The following CNTNAP2 variants were observed in gnomAD, a reference collection of about 807,000 sequenced individuals.
CNTNAP2 encodes contactin associated protein 2, also known as contactin-associated protein-like 2.
CNTNAP2 carries 98 observed loss-of-function variants against 155.2 expected under a neutral mutation model. The observed-to-expected ratio is 0.63, with a 90% CI of 0.54 to 0.75. The LOEUF (loss-of-function observed/expected upper bound fraction) is 0.75, where lower values mean the gene tolerates loss of function less well. Among genes scored for constraint, CNTNAP2 ranks in the 30% least tolerant of loss-of-function variants. The pLI is 0.00. For synonymous variants in CNTNAP2, 651 were observed against 631.2 expected (o/e 1.03, Z -0.47); for missense variants, 1,727 against 1,688.1 (o/e 1.02, Z -0.40).
intron 21 of CNTNAP2, among the ~76,000 whole-genome samples, chr7:148,317,639 C>G (rs1797713917): frequency 6.6e-6 from 1 of 152,204 alleles, no homozygotes; most frequent in South Asian, 2.1e-4. Flanking sequence ...GGGATTCACA[C>G]CTCCTAGAGT....
chr7:147,486,117 A>G, intron 11 of CNTNAP2, 76 bp downstream of exon 11: 8 of 1,228,338 alleles, frequency 6.5e-6, no homozygotes. Flanking sequence ...TTTGAAGCTC[A>G]GCAACCTGAA....
At chr7:147,816,516 C>A (rs1798268857) in intron 13 of CNTNAP2, among the ~76,000 whole-genome samples, 1 of 151,974 alleles carries the variant, frequency 6.6e-6, no homozygotes, top group Non-Finnish European at 1.5e-5. Flanking sequence ...TTCTGGAAAC[C>A]TGGATCTTGA....
At chr7:147,489,677 A>G (rs920894484) in intron 11 of CNTNAP2, among the ~76,000 whole-genome samples, 6 of 152,144 alleles carry the variant, frequency 3.9e-5, no homozygotes, top group African/African-American at 4.8e-5. Context: ...GTGCAGTGGC[A>G]TGATCTCGGT....
intron 10 of CNTNAP2, among the ~76,000 whole-genome samples, chr7:147,413,388 A>G (rs1797135938): frequency 6.6e-6 from 1 of 152,192 alleles, no homozygotes; most frequent in Non-Finnish European, 1.5e-5. Flanking sequence ...AAGTCCTGGA[A>G]AGGAAAATGA....
intron 1 of CNTNAP2, among the ~76,000 whole-genome samples, chr7:146,688,211 C>A (rs568273455): frequency 6.6e-6 from 1 of 152,214 alleles, no homozygotes; most frequent in East Asian, 1.9e-4. Context: ...TTGTTAATTT[C>A]TGTACTATTT....
chr7:146,468,417 A>C (rs1369171549), intron 1 of CNTNAP2, among the ~76,000 whole-genome samples: 1 of 151,792 alleles, frequency 6.6e-6, no homozygotes, highest in African/African-American at 2.4e-5. Flanking sequence ...CACATGTGCC[A>C]CCTGAATCTA....
At chr7:148,156,462 T>C (rs146017238) in intron 17 of CNTNAP2, among the ~76,000 whole-genome samples, 1 of 152,186 alleles carries the variant, frequency 6.6e-6, no homozygotes, top group Non-Finnish European at 1.5e-5. Context: ...TAGTCTCTCC[T>C]GCATTCCCTC....
chr7:148,168,874 AC>A (rs1805723489), intron 17 of CNTNAP2, among the ~76,000 whole-genome samples: 1 of 152,154 alleles, frequency 6.6e-6, no homozygotes, highest in Non-Finnish European at 1.5e-5. Flanking sequence ...AAAATCACAA[AC>A]ATGTTAGAAG....
chr7:147,364,803 C>G (rs372953992), intron 9 of CNTNAP2, among the ~76,000 whole-genome samples: 93 of 151,320 alleles, frequency 6.1e-4, no homozygotes, highest in African/African-American at 2.2e-3. Context: ...GAGCCGAGAT[C>G]GCGCCACTGC....
At chr7:147,098,359 A>G (rs1430188719) in intron 4 of CNTNAP2, among the ~76,000 whole-genome samples, 1 of 152,182 alleles carries the variant, frequency 6.6e-6, no homozygotes. Flanking sequence ...CGTTTTTAGA[A>G]CAGTCGAATG....
At chr7:146,472,861 CTT>C (rs1796820169) in intron 1 of CNTNAP2, among the ~76,000 whole-genome samples, 4 of 151,376 alleles carry the variant, frequency 2.6e-5, no homozygotes, top group African/African-American at 9.7e-5. Flanking sequence ...CTTAGAGCCT[CTT>C]TTAATATTAT....
At chr7:147,929,588 A>G (rs1800461834) in intron 14 of CNTNAP2, among the ~76,000 whole-genome samples, 1 of 152,212 alleles carries the variant, frequency 6.6e-6, no homozygotes, top group South Asian at 2.1e-4. Context: ...TTATCTACTA[A>G]CTTCTGGTTT....
chr7:147,319,228 T>C (rs1310651017), intron 9 of CNTNAP2, among the ~76,000 whole-genome samples: 1 of 152,210 alleles, frequency 6.6e-6, no homozygotes, highest in Non-Finnish European at 1.5e-5. Context: ...TTCAGAATTC[T>C]TTACCATACT....
intron 1 of CNTNAP2, among the ~76,000 whole-genome samples, chr7:146,245,505 A>G (rs2693300): frequency 0.32 from 48,890 of 151,838 alleles, 14,190 homozygotes; most frequent in African/African-American, 0.78. Flanking sequence ...AAACAGTAAG[A>G]TCCAGTTGTT....
chr7:146,905,233 T>C (rs894223205), intron 3 of CNTNAP2, among the ~76,000 whole-genome samples: 7 of 152,028 alleles, frequency 4.6e-5, no homozygotes, highest in African/African-American at 1.4e-4. Context: ...CTAGAAGATC[T>C]TGGATGCCTC....
intron 1 of CNTNAP2, among the ~76,000 whole-genome samples, chr7:146,599,775 T>TAGATAGATAGATAGAC: frequency 6.6e-6 from 1 of 152,026 alleles, no homozygotes; most frequent in South Asian, 2.1e-4. Context: ...GATAGATAGA[T>TAGATAGATAGATAGAC]AGATAGATCT....
intron 10 of CNTNAP2, among the ~76,000 whole-genome samples, chr7:147,478,297 C>A (rs546215796): frequency 6.6e-6 from 1 of 152,120 alleles, no homozygotes; most frequent in African/African-American, 2.4e-5. Context: ...GGACTACAGG[C>A]ACCCACCACC....
At chr7:146,243,472 GAA>G (rs1419986604) in intron 1 of CNTNAP2, among the ~76,000 whole-genome samples, 1 of 152,106 alleles carries the variant, frequency 6.6e-6, no homozygotes, top group Non-Finnish European at 1.5e-5. Flanking sequence ...AGGAAGTAGT[GAA>G]AAAGTTTTAC....
At chr7:146,211,882 G>T (rs1051823241) in intron 1 of CNTNAP2, among the ~76,000 whole-genome samples, 3 of 151,930 alleles carry the variant, frequency 2.0e-5, no homozygotes, top group African/African-American at 7.3e-5. Context: ...TATTTTTTAA[G>T]TTTATTAATT....
Sources: allele counts gnomAD v4.1 joint callset (sites outside exome capture counted in the v4.1 genomes callset), GRCh38; gene constraint gnomAD v4.1.1; transcripts MANE v1.5; gene names NCBI Gene and HGNC (gene_info 2026-07-23, HGNC 2026-07-21).